Variants in CCDC30 observed in about 807,000 individuals in gnomAD.
CCDC30 encodes the protein coiled-coil domain containing 30, also known as coiled-coil domain-containing protein 30.
Under a neutral mutation model 100.2 loss-of-function variants are expected in CCDC30, and 70 were observed. The observed-to-expected ratio is 0.70, with a 90% CI of 0.58 to 0.85. The LOEUF (loss-of-function observed/expected upper bound fraction) is 0.85, where lower values mean the gene tolerates loss of function less well. Among genes scored for constraint, CCDC30 ranks in the 40% least tolerant of loss-of-function variants. The pLI is 0.00. For missense variants in CCDC30, 652 were observed against 771.2 expected (o/e 0.85, Z 1.83); for synonymous variants, 233 against 269.5 (o/e 0.86, Z 1.33).
intron 8 of CCDC30, among the ~76,000 whole-genome samples, chr1:42,579,076 T>C (rs112689465): frequency 0.25 from 38,563 of 151,854 alleles, 5,512 homozygotes; most frequent in South Asian, 0.42. Flanking sequence ...CTGCAGCCTC[T>C]GCCTCCCAGA....
chr1:42,516,912 T>C (rs1644563723), intron 6 of CCDC30, among the ~76,000 whole-genome samples: 1 of 152,250 alleles, frequency 6.6e-6, no homozygotes, highest in Non-Finnish European at 1.5e-5. Context: ...TTTGTTTATC[T>C]TCTTTGGAGA....
chr1:42,500,515 ACCAT>A (rs778910829), intron 6 of CCDC30, among the ~76,000 whole-genome samples: 48 of 151,328 alleles, frequency 3.2e-4, no homozygotes, highest in Non-Finnish European at 5.7e-4. Flanking sequence ...CCGGGTTCAC[ACCAT>A]TCTCTTGCCT....
intron 6 of CCDC30, among the ~76,000 whole-genome samples, chr1:42,505,415 G>A (rs28762395): frequency 0.2 from 30,172 of 151,508 alleles, 3,274 homozygotes; most frequent in South Asian, 0.42. Flanking sequence ...AAAATGTAGG[G>A]AAAAAAAACT....
At chr1:42,655,867 C>CTTTTT (rs766715541), downstream of CCDC30, among the ~76,000 whole-genome samples, 17 of 87,294 alleles carry the variant, frequency 1.9e-4, no homozygotes, top group Non-Finnish European at 2.6e-4. Flanking sequence ...GCTGTTTTTA[C>CTTTTT]TTTTTTTTTT....
chr1:42,459,964 C>A, upstream of CCDC30: 2 of 1,539,966 alleles, frequency 1.3e-6, no homozygotes, highest in Admixed American at 2.1e-5. Context: ...TTGTTCAGGG[C>A]TCTTAGAGAT....
intron 6 of CCDC30, chr1:42,545,530 A>G: frequency 6.2e-7 from 1 of 1,606,538 alleles, no homozygotes; most frequent in Non-Finnish European, 8.5e-7. Flanking sequence ...TAATGAACCA[A>G]TTTTGGAAAC....
chr1:42,503,674 C>T (rs1644354418), intron 6 of CCDC30, among the ~76,000 whole-genome samples: 2 of 152,178 alleles, frequency 1.3e-5, no homozygotes, highest in South Asian at 4.1e-4. Flanking sequence ...TGCAAGCTTC[C>T]AGCTTATTTG....
intron 1 of CCDC30, among the ~76,000 whole-genome samples, chr1:42,479,566 TA>T (rs34698340): frequency 0.017 from 2,291 of 135,350 alleles, 22 homozygotes; most frequent in Admixed American, 0.026. Context: ...GACATATGCT[TA>T]AAAAAAAAAA....
intron 1 of CCDC30, among the ~76,000 whole-genome samples, chr1:42,472,325 A>G: frequency 6.6e-6 from 1 of 152,228 alleles, no homozygotes; most frequent in East Asian, 1.9e-4. Flanking sequence ...TTTATCTTTC[A>G]TATACTGTCA....
intron 4 of CCDC30, chr1:42,492,320 C>T: frequency 5.0e-6 from 1 of 199,052 alleles, no homozygotes; most frequent in Non-Finnish European, 1.0e-5. Context: ...AAAGCTTTGC[C>T]TATCTATTTA....
At chr1:42,529,722 G>A (rs1037910231) in intron 6 of CCDC30, 1 of 152,140 alleles carries the variant, frequency 6.6e-6, no homozygotes, top group African/African-American at 2.4e-5. Context: ...TAGTCAGCAG[G>A]TAAGGAGTAA....
intron 10 of CCDC30, among the ~76,000 whole-genome samples, chr1:42,600,978 C>T (rs1646394722): frequency 6.6e-6 from 1 of 152,032 alleles, no homozygotes; most frequent in African/African-American, 2.4e-5. Flanking sequence ...GCTTGTGGAA[C>T]TGCAAGTCAA....
At chr1:42,589,262 T>G in intron 9 of CCDC30, 59 bp from the exon 14 acceptor site, 1 of 1,412,852 alleles carries the variant, frequency 7.1e-7, no homozygotes, top group Non-Finnish European at 9.6e-7. Flanking sequence ...ATAAAAATTT[T>G]AGGTCTGAAT....
intron 12 of CCDC30, among the ~76,000 whole-genome samples, chr1:42,640,923 C>T (rs1350755751): frequency 1.3e-5 from 2 of 151,494 alleles, no homozygotes; most frequent in Non-Finnish European, 2.9e-5. Context: ...AATAGATGGC[C>T]AGTCTTTTCT....
the CCDC30 span, chr1:42,456,343 A>C: frequency 1.6e-6 from 1 of 613,184 alleles, no homozygotes. Flanking sequence ...ACCCTACCAG[A>C]TGCCCACCCA....
At chr1:42,558,487 A>G (rs1281375822) in intron 6 of CCDC30, among the ~76,000 whole-genome samples, 3 of 152,228 alleles carry the variant, frequency 2.0e-5, no homozygotes, top group East Asian at 1.9e-4. Context: ...AAGTGCTTGC[A>G]TGTGTTATCT....
chr1:42,478,204 C>T (rs551832074), intron 1 of CCDC30, among the ~76,000 whole-genome samples: 1 of 152,258 alleles, frequency 6.6e-6, no homozygotes, highest in South Asian at 2.1e-4. Context: ...AAAAATTACT[C>T]TAGCAACAGT....
chr1:42,524,102 T>G (rs1481948791), intron 6 of CCDC30, among the ~76,000 whole-genome samples: 2 of 148,216 alleles, frequency 1.3e-5, no homozygotes, highest in African/African-American at 4.9e-5. Context: ...TTGGTTTTGT[T>G]TTCTTTTTTT....
intron 10 of CCDC30, among the ~76,000 whole-genome samples, chr1:42,602,923 T>C (rs539729559): frequency 6.6e-6 from 1 of 152,216 alleles, no homozygotes; most frequent in African/African-American, 2.4e-5. Flanking sequence ...CAAAGAATTA[T>C]GCACCATGAT....
Sources: gnomAD v4.1 joint callset for allele counts (sites outside exome capture counted in the v4.1 genomes callset) on GRCh38, gnomAD v4.1.1 for gene constraint, MANE v1.5 for transcripts, NCBI Gene and HGNC (gene_info 2026-07-23, HGNC 2026-07-21) for gene names.